The following YPEL2 variants were observed in gnomAD, a reference collection of about 807,000 sequenced individuals.
YPEL2 encodes the protein protein yippee-like 2.
A neutral mutation model predicts 19.1 loss-of-function variants in YPEL2; 2 were observed. That is an observed-to-expected ratio of 0.10 (90% CI 0.04 to 0.33). The LOEUF (loss-of-function observed/expected upper bound fraction) is 0.33. YPEL2 is among the 10% of genes least tolerant of loss of function. The pLI, the probability that YPEL2 is intolerant of heterozygous loss-of-function variation, is 1.00. For missense variants in YPEL2, 66 were observed against 140.7 expected, an observed-to-expected ratio of 0.47 and a Z score of 2.68; for synonymous variants, 52 against 50.0, an observed-to-expected ratio of 1.04 and a Z score of -0.17.
At position 59,397,232 on chromosome 17, in the gene YPEL2, T is replaced by G; in HGVS notation, c.*42T>G. 10 of 1,470,936 alleles carry G rather than the reference T, an allele frequency of 6.8e-6. No individual in the cohort carries two copies. The highest frequency in any genetic ancestry group is 9.2e-6 in the Non-Finnish European group (10 of 1,081,264). 91.1% of individuals were successfully genotyped at this position (1,470,936 alleles called of 1,614,324 possible). ...CAACCCAGTGTCCACGTGAACGCCA[T>G]TCAACCGAACATTCTTCCCAAGCGT... On this transcript the variant is annotated 3_prime_UTR_variant, in exon 5 of 5. Transcript: ENST00000312655.
intron 2 of YPEL2, among the ~76,000 whole-genome samples, chr17:59,376,478 A>G (rs1252133255): frequency 1.3e-5 from 2 of 152,172 alleles, no homozygotes; most frequent in African/African-American, 2.4e-5. Flanking sequence ...TTGGCCTCCC[A>G]AAGTGCTGGG....
chr17:59,334,237 G>A (rs990065839), intron 1 of YPEL2, among the ~76,000 whole-genome samples: 2 of 152,222 alleles, frequency 1.3e-5, no homozygotes, highest in African/African-American at 2.4e-5. Flanking sequence ...CTTCATTGTC[G>A]TAATGATTTT....
At chr17:59,332,438 G>T (rs986589461) in intron 1 of YPEL2, among the ~76,000 whole-genome samples, 2 of 152,186 alleles carry the variant, frequency 1.3e-5, no homozygotes, top group Non-Finnish European at 2.9e-5. Flanking sequence ...CGGTGTCCTT[G>T]CCAAGGGGGT....
intron 2 of YPEL2, among the ~76,000 whole-genome samples, chr17:59,375,742 A>G (rs2047917236): frequency 6.6e-6 from 1 of 152,228 alleles, no homozygotes; most frequent in Admixed American, 6.5e-5. Flanking sequence ...GTTGAAGGTA[A>G]ACCCACTTGA....
At chr17:59,339,594 T>C (rs1036169282) in intron 1 of YPEL2, among the ~76,000 whole-genome samples, 1 of 152,154 alleles carries the variant, frequency 6.6e-6, no homozygotes, top group African/African-American at 2.4e-5. Flanking sequence ...TGACTTAGAC[T>C]CTCCCATTCT....
At chr17:59,394,147 C>A (rs1375380939) in intron 4 of YPEL2, among the ~76,000 whole-genome samples, 1 of 151,098 alleles carries the variant, frequency 6.6e-6, no homozygotes, top group Non-Finnish European at 1.5e-5. Flanking sequence ...GGGGGGCTGA[C>A]CCCCCGACCT....
intron 2 of YPEL2, chr17:59,355,680 C>G (rs1043075904): frequency 2.0e-5 from 3 of 152,108 alleles, no homozygotes; most frequent in Non-Finnish European, 2.9e-5. Context: ...CAGAACCTGA[C>G]CCATGGCAAG....
intron 2 of YPEL2, among the ~76,000 whole-genome samples, chr17:59,380,993 A>G (rs1212573020): frequency 6.6e-6 from 1 of 152,220 alleles, no homozygotes; most frequent in Admixed American, 6.5e-5. Flanking sequence ...CAACCTCTTC[A>G]TCTCTCTCCT....
intron 4 of YPEL2, among the ~76,000 whole-genome samples, chr17:59,393,140 ATTTAT>A (rs908385934): frequency 1.4e-4 from 21 of 151,902 alleles, no homozygotes; most frequent in African/African-American, 4.4e-4. Context: ...GGGGCTATTG[ATTTAT>A]TTTATTTATT....
At chr17:59,375,150 G>C (rs1040171220) in intron 2 of YPEL2, among the ~76,000 whole-genome samples, 13 of 152,150 alleles carry the variant, frequency 8.5e-5, no homozygotes, top group Non-Finnish European at 5.9e-5. Flanking sequence ...GTAGAAATGT[G>C]GGGGAGAGCC....
At chr17:59,395,197 T>A (rs1271103260) in intron 4 of YPEL2, among the ~76,000 whole-genome samples, 1 of 149,528 alleles carries the variant, frequency 6.7e-6, no homozygotes, top group East Asian at 2.0e-4. Flanking sequence ...CATTGCTCTG[T>A]CATGTGTATA....
At chr17:59,362,238 T>G (rs1018065298) in intron 2 of YPEL2, among the ~76,000 whole-genome samples, 1 of 151,940 alleles carries the variant, frequency 6.6e-6, no homozygotes, top group Non-Finnish European at 1.5e-5. Context: ...TGACCACTGC[T>G]TGGCAAAGAA....
intron 1 of YPEL2, among the ~76,000 whole-genome samples, chr17:59,340,046 A>G (rs1376203054): frequency 6.6e-6 from 1 of 151,464 alleles, no homozygotes; most frequent in Non-Finnish European, 1.5e-5. Context: ...CTGATTAACC[A>G]TGGCCAGGAA....
intron 2 of YPEL2, chr17:59,366,062 TG>T (rs1355427641): frequency 6.5e-6 from 1 of 153,008 alleles, no homozygotes; most frequent in Non-Finnish European, 1.5e-5. Flanking sequence ...TTGTTAGGGT[TG>T]GCTCCACCAA....
chr17:59,375,525 G>T (rs975608330), intron 2 of YPEL2, among the ~76,000 whole-genome samples: 2 of 152,210 alleles, frequency 1.3e-5, no homozygotes, highest in African/African-American at 4.8e-5. Context: ...CTGGGACTCA[G>T]AGGGTGTTCC....
chr17:59,385,355 G>C (rs774189612), intron 2 of YPEL2, among the ~76,000 whole-genome samples: 7 of 152,140 alleles, frequency 4.6e-5, no homozygotes, highest in Non-Finnish European at 8.8e-5. Context: ...CGATTGGGTG[G>C]ATTGCTTGAG....
chr17:59,339,653 ACTCTT>A (rs1254406892), intron 1 of YPEL2, among the ~76,000 whole-genome samples: 1 of 151,772 alleles, frequency 6.6e-6, no homozygotes, highest in Non-Finnish European at 1.5e-5. Context: ...ACTTCCTCAG[ACTCTT>A]CTCTGGCTGG....
chr17:59,338,598 G>A (rs1179316303), intron 1 of YPEL2, among the ~76,000 whole-genome samples: 1 of 152,164 alleles, frequency 6.6e-6, no homozygotes, highest in East Asian at 1.9e-4. Context: ...AATATAAGAG[G>A]GAGTGTATGG....
At chr17:59,392,754 T>C (rs2048014323) in intron 4 of YPEL2, among the ~76,000 whole-genome samples, 1 of 152,104 alleles carries the variant, frequency 6.6e-6, no homozygotes, top group South Asian at 2.1e-4. Flanking sequence ...CCTCGTGATC[T>C]GCCCGCCTCA....
Sources: gnomAD v4.1 joint callset for allele counts (sites outside exome capture counted in the v4.1 genomes callset) on GRCh38, gnomAD v4.1.1 for gene constraint, MANE v1.5 for transcripts, NCBI Gene and HGNC (gene_info 2026-07-23, HGNC 2026-07-21) for gene names.